The following OR1J2 variants were observed in gnomAD, a reference collection of about 807,000 sequenced individuals.
OR1J2 encodes the protein olfactory receptor family 1 subfamily J member 2, also known as olfactory receptor 1J2.
For synonymous variants in OR1J2, 142 were observed against 99.7 expected (o/e 1.42, Z -2.52); for missense variants, 304 against 246.1 (o/e 1.24, Z -1.57).
At chr9:122,478,707 A>T in the OR1J2 span, among the ~76,000 whole-genome samples, 1 of 152,186 alleles carries the variant, frequency 6.6e-6, no homozygotes, top group Non-Finnish European at 1.5e-5. Context: ...ATAAATCATA[A>T]TACGAAGTAA....
the OR1J2 span, among the ~76,000 whole-genome samples, chr9:122,522,126 C>G: frequency 5.3e-5 from 8 of 152,296 alleles, no homozygotes; most frequent in Admixed American, 5.2e-4. Flanking sequence ...TCTAGCCATG[C>G]CAGGGCTAGG....
the OR1J2 span, among the ~76,000 whole-genome samples, chr9:122,522,410 C>A: frequency 6.6e-6 from 1 of 152,284 alleles, no homozygotes; most frequent in East Asian, 1.9e-4. Flanking sequence ...ACATATGTAA[C>A]ACACAATTCT....
At chr9:122,518,301 T>C in the OR1J2 span, among the ~76,000 whole-genome samples, 1 of 152,252 alleles carries the variant, frequency 6.6e-6, no homozygotes, top group Non-Finnish European at 1.5e-5. Flanking sequence ...CTGAGTGTCT[T>C]AGTCGGTTGG....
the OR1J2 span, among the ~76,000 whole-genome samples, chr9:122,482,796 G>T: frequency 6.6e-6 from 1 of 152,148 alleles, no homozygotes. Flanking sequence ...CTCATATGTG[G>T]AATCTAAATA....
chr9:122,552,452 G>T, the OR1J2 span, among the ~76,000 whole-genome samples: 1 of 152,136 alleles, frequency 6.6e-6, no homozygotes, highest in Admixed American at 6.6e-5. Context: ...AGATAGAGAT[G>T]CATAGCAGCA....
the OR1J2 span, among the ~76,000 whole-genome samples, chr9:122,542,832 G>A: frequency 1.3e-5 from 2 of 152,170 alleles, no homozygotes; most frequent in African/African-American, 4.8e-5. Context: ...TGTAGATTAA[G>A]TTTGCTTTTC....
chr9:122,518,472 G>T, the OR1J2 span, among the ~76,000 whole-genome samples: 1 of 152,212 alleles, frequency 6.6e-6, no homozygotes, highest in Admixed American at 6.5e-5. Context: ...ACATGGCAAT[G>T]CCAGAGACAC....
chr9:122,483,071 A>C, the OR1J2 span, among the ~76,000 whole-genome samples: 22 of 152,226 alleles, frequency 1.4e-4, no homozygotes, highest in African/African-American at 5.3e-4. Flanking sequence ...CTTATTATAC[A>C]ATGTATATAT....
the OR1J2 span, chr9:122,554,302 AG>A: frequency 3.1e-6 from 2 of 650,520 alleles, no homozygotes; most frequent in South Asian, 2.1e-5. Flanking sequence ...AAAAAAAAAA[AG>A]AGTGTTTCAT....
At chr9:122,559,062 C>T in the OR1J2 span, among the ~76,000 whole-genome samples, 3 of 152,030 alleles carry the variant, frequency 2.0e-5, no homozygotes, top group Non-Finnish European at 4.4e-5. Flanking sequence ...AGAACATTCA[C>T]AATCCTCTCT....
chr9:122,521,057 G>A, the OR1J2 span, among the ~76,000 whole-genome samples: 13 of 152,278 alleles, frequency 8.5e-5, no homozygotes, highest in Non-Finnish European at 1.2e-4. Context: ...TGGTGGCTGC[G>A]TGGCCTCAGA....
chr9:122,457,282 A>T, the OR1J2 span, among the ~76,000 whole-genome samples: 19 of 152,286 alleles, frequency 1.2e-4, no homozygotes, highest in African/African-American at 4.6e-4. Flanking sequence ...CTTAATACCT[A>T]GGTGATGGGC....
chr9:122,543,483 G>A, the OR1J2 span, among the ~76,000 whole-genome samples: 141 of 152,326 alleles, frequency 9.3e-4, 1 homozygote, highest in Non-Finnish European at 4.7e-4. Flanking sequence ...GATTAGAGGC[G>A]TGAGCCACTG....
chr9:122,448,622 T>C, the OR1J2 span, among the ~76,000 whole-genome samples: 1 of 152,186 alleles, frequency 6.6e-6, no homozygotes, highest in Non-Finnish European at 1.5e-5. Flanking sequence ...CAGAGGTCCC[T>C]GCGGCTTTCT....
the OR1J2 span, among the ~76,000 whole-genome samples, chr9:122,467,849 C>T: frequency 6.6e-6 from 1 of 152,136 alleles, no homozygotes; most frequent in Non-Finnish European, 1.5e-5. Flanking sequence ...TTCCAAATCC[C>T]CATACTGTAT....
At chr9:122,477,552 G>A in the OR1J2 span, 1 of 1,613,904 alleles carries the variant, frequency 6.2e-7, no homozygotes, top group South Asian at 1.1e-5. Context: ...GATGACAGAT[G>A]GCCACATACC....
At chr9:122,468,398 C>G in the OR1J2 span, among the ~76,000 whole-genome samples, 1 of 152,240 alleles carries the variant, frequency 6.6e-6, no homozygotes, top group Non-Finnish European at 1.5e-5. Context: ...TTTTCTGGCC[C>G]AACTCCTATG....
chr9:122,560,844 T>C, the OR1J2 span, among the ~76,000 whole-genome samples: 10 of 152,172 alleles, frequency 6.6e-5, no homozygotes, highest in Non-Finnish European at 1.3e-4. Flanking sequence ...AGTGGAGTTC[T>C]CTGTATTTCC....
At chr9:122,575,161 A>G in the OR1J2 span, among the ~76,000 whole-genome samples, 2 of 152,046 alleles carry the variant, frequency 1.3e-5, no homozygotes, top group African/African-American at 4.8e-5. Context: ...TAGTTTTCTT[A>G]TAATGTCTTT....
Sources: allele counts gnomAD v4.1 joint callset (sites outside exome capture counted in the v4.1 genomes callset), GRCh38; gene constraint gnomAD v4.1.1; transcripts MANE v1.5; gene names NCBI Gene and HGNC (gene_info 2026-07-23, HGNC 2026-07-21).